Variants in ZNF169 observed in about 807,000 individuals in gnomAD.
ZNF169 encodes zinc finger protein 169.
ZNF169 carries 11 observed loss-of-function variants against 12.0 expected under a neutral mutation model. That is an observed-to-expected ratio of 0.92 (90% CI 0.58 to 1.52). The LOEUF is 1.52. ZNF169 is among the 40% of genes most tolerant of loss of function. The pLI is 0.00. For synonymous variants in ZNF169, 302 were observed against 286.5 expected (o/e 1.05, Z -0.55); for missense variants, 722 against 744.0 (o/e 0.97, Z 0.34).
Position 94,292,460 on chromosome 9 carries a change from C to T in ZNF169, c.153C>T (p.Val51=), listed in dbSNP as rs955695785. 4.3e-6 allele frequency: 7 copies of T among 1,613,826 alleles called. No homozygotes were observed. Among genetic ancestry groups the T allele is most frequent in the Non-Finnish European group, 5.9e-6 (7 of 1,179,836 alleles). The change falls in exon 3 of 5, where the codon GTC becomes GTT. Residue 51 remains valine, a synonymous_variant. Transcript: ENST00000395395. ...TGCTGGAGAACTACAGCCATCTGGT[C>T]TCCCTGGGTAAGGCTGGCCTGTTTA... The part of the protein sequence containing the change: ...EVMLENYSHL[V]SLGIAFSKPK...
chr9:94,298,280 G>A (rs1312506571), intron 4 of ZNF169, among the ~76,000 whole-genome samples: 1 of 152,072 alleles, frequency 6.6e-6, no homozygotes, highest in Non-Finnish European at 1.5e-5. Context: ...ATAAGAAAAT[G>A]CCTTATTTTT....
At chr9:94,264,260 C>T (rs1019384829) in intron 1 of ZNF169, among the ~76,000 whole-genome samples, 4 of 152,122 alleles carry the variant, frequency 2.6e-5, no homozygotes, top group Admixed American at 6.6e-5. Context: ...TCTCAGCTTC[C>T]GAGTCACTGG....
rs1483657209 is a variant in ZNF169 at position 94,301,333 on chromosome 9, A to G, written c.1775A>G (p.Lys592Arg). 1.2e-6 allele frequency: 2 copies of G among 1,614,060 alleles called. No individual in the cohort carries two copies. Among genetic ancestry groups the G allele is most frequent in the Middle Eastern group, 3.3e-4 (2 of 6,062 alleles). ...KSHLHRHRRT[K>R]SGHQLLPQEV... ...CACTTGCATAGACACAGGAGGACCAAGTCTGGTCATCAGCTCCTACCCCAA... is the reference window on the plus strand; with the variant it reads ...CACTTGCATAGACACAGGAGGACCAGGTCTGGTCATCAGCTCCTACCCCAA... The change falls in exon 5 of 5, where the codon AAG becomes AGG. Residue 592 changes from lysine to arginine, a missense_variant. Physicochemically the swap from Lys to Arg is conservative, Grantham distance 26. Coordinates refer to ENST00000395395, the MANE Select transcript of ZNF169 (RefSeq NM_194320.4).
intron 1 of ZNF169, among the ~76,000 whole-genome samples, chr9:94,277,161 G>C (rs1259147853): frequency 1.3e-5 from 2 of 152,162 alleles, no homozygotes; most frequent in East Asian, 3.8e-4. Context: ...AACATTTTCT[G>C]GTTGACGGTT....
At chr9:94,292,640 T>TGTGCGC (rs35889937) in intron 3 of ZNF169, 173 bp downstream of exon 3, 67 of 741,324 alleles carry the variant, frequency 9.0e-5, no homozygotes, top group Admixed American at 6.3e-4. Flanking sequence ...TGTGTGTGTG[T>TGTGCGC]GCGCGTGCAC....
rs955029190 is a variant in ZNF169, at chr9:94,300,123, G to T, written c.565G>T (p.Ala189Ser). Residue 189 changes from alanine to serine, a missense_variant, in exon 5 of 5, where the codon GCC (alanine) becomes TCC (serine). Coordinates refer to ENST00000395395, the MANE Select transcript of ZNF169 (RefSeq NM_194320.4). ...AGAAGGAGGAACAGACCTTCGCCTG[G>T]CCCAAAGGATGAGTCTTGGGGGGTC... ...NREGGTDLRL[A>S]QRMSLGGSDT... 3.1e-6 allele frequency: 5 copies of T among 1,614,142 alleles called. No individual in the cohort carries two copies. The highest frequency in any genetic ancestry group is 4.2e-6 in the Non-Finnish European group (5 of 1,180,036).
rs1830499530 is a variant in ZNF169 at position 94,275,255 on chromosome 9, G to T, written c.-55-3503G>T. 2.6e-5 allele frequency among the ~76,000 whole-genome samples: 4 copies of T among 152,130 alleles called. No homozygotes were observed. The South Asian group carries it at 8.3e-4, about 31-fold the overall frequency. On this transcript the variant is annotated intron_variant, in intron 1 of 4. Transcript: ENST00000395395. ...TGTCTCTCAAAAAGTAAATAAAAAA[G>T]AAGTATGGTTTTTACTGAATGTGTA...
chr9:94,292,608 TGTGTGTGTGTG>T (rs1587686793), intron 3 of ZNF169, 141 bp downstream of exon 3: 8 of 240,760 alleles, frequency 3.3e-5, no homozygotes, highest in East Asian at 1.2e-4. Context: ...ACAGTGCAGT[TGTGTGTGTGTG>T]TGTGTGTGTG....
chr9:94,292,641 G>GCA lies in ZNF169; in HGVS notation c.160+175_160+176insAC, dbSNP rs1554715596. On this transcript the variant is annotated intron_variant, in intron 3 of 4. Coordinates refer to ENST00000395395, the MANE Select transcript of ZNF169 (RefSeq NM_194320.4). ...TGTGTGTGTGTGTGTGTGTGTGTGT[G>GCA]CGCGTGCACATGCTGTGAGCGTGTG... is the stretch of plus-strand genomic sequence containing the variant. 1.5e-4 allele frequency: 110 copies of GCA among 721,194 alleles called. 1 individual carries two copies. Among genetic ancestry groups the GCA allele is most frequent in the South Asian group, 1.1e-3 (54 of 49,204 alleles). The allele number at this position is 721,194 out of a possible 1,614,324, so 44.7% of individuals were successfully genotyped here. A position where few individuals can be genotyped will look rare whatever the true frequency, so the allele number is the denominator to read the frequency against.
chr9:94,264,845 A>G (rs1830262418), intron 1 of ZNF169, among the ~76,000 whole-genome samples: 1 of 151,792 alleles, frequency 6.6e-6, no homozygotes, highest in South Asian at 2.1e-4. Context: ...GTTTATTCCT[A>G]TTCCTTTTTA....
At chr9:94,299,759 G>T (rs1831016711) in intron 4 of ZNF169, 56 bp from the exon 5 acceptor site, 2 of 1,546,662 alleles carry the variant, frequency 1.3e-6, no homozygotes, top group Admixed American at 2.0e-5. Context: ...TGCTGGGCAG[G>T]TATTACAATC....
In ZNF169 at chr9:94,300,424, C is replaced by T. The variant is rs1831040322; in HGVS notation, c.866C>T (p.Pro289Leu). 2.5e-6 allele frequency: 4 copies of T among 1,613,658 alleles called. No homozygotes were observed. The highest frequency in any genetic ancestry group is 1.6e-4 in the Middle Eastern group (1 of 6,082). The change falls in exon 5 of 5, where the codon CCG becomes CTG. Residue 289 changes from proline (P) to leucine (L), a missense_variant. By Grantham distance (98) the Pro-to-Leu change is moderately conservative. Coordinates refer to ENST00000395395, the MANE Select transcript of ZNF169 (RefSeq NM_194320.4). ...CAGAGGAAGCACTCGGGGGAGAAGC[C>T]GTATGTGTGCAGGGAATGTGGGCGA... ...IHQRKHSGEK[P>L]YVCRECGRHF...
At chr9:94,292,295 G>A (rs373059783) in intron 2 of ZNF169, 46 bp from the exon 3 acceptor site, 1 of 1,613,408 alleles carries the variant, frequency 6.2e-7, no homozygotes, top group Non-Finnish European at 8.5e-7. Context: ...GTTGGTTAGT[G>A]GGCATGGCTG....
chr9:94,265,027 T>C (rs1434465145), intron 1 of ZNF169, among the ~76,000 whole-genome samples: 2 of 148,116 alleles, frequency 1.4e-5, no homozygotes, highest in African/African-American at 4.9e-5. Flanking sequence ...CCCTGTTTTT[T>C]TTTTTTTTTT....
chr9:94,278,361 T>C (rs1039440578), intron 1 of ZNF169, among the ~76,000 whole-genome samples: 2 of 152,224 alleles, frequency 1.3e-5, no homozygotes, highest in Non-Finnish European at 2.9e-5. Context: ...AACTTCTGCT[T>C]TGGACTTCCT....
intron 2 of ZNF169, among the ~76,000 whole-genome samples, chr9:94,281,194 T>C (rs542048344): frequency 2.0e-4 from 31 of 152,254 alleles, no homozygotes; most frequent in African/African-American, 7.2e-4. Context: ...GAAAGAGGTT[T>C]GTTTGTTATG....
chr9:94,278,178 C>T (rs1230687645), intron 1 of ZNF169, among the ~76,000 whole-genome samples: 3 of 152,156 alleles, frequency 2.0e-5, no homozygotes, highest in African/African-American at 7.2e-5. Context: ...GAAATTGACT[C>T]GTTATAAAAC....
Position 94,270,559 on chromosome 9 carries a change from T to C in ZNF169, c.-55-8199T>C, listed in dbSNP as rs74472518. ...GCTAATTTGTTAGGAGTTTTTATCA[T>C]GAATAGCCATTGAATTTTTTCATAT... On this transcript the variant is annotated intron_variant, in intron 1 of 4. Coordinates refer to ENST00000395395, the MANE Select transcript of ZNF169 (RefSeq NM_194320.4). 1.3e-3 allele frequency among the ~76,000 whole-genome samples: 190 copies of C among 141,562 alleles called. 4 individuals carry two copies. The East Asian group carries it at 0.031, about 23-fold the overall frequency. 92.9% of individuals were successfully genotyped at this position (141,562 alleles called of 152,430 possible).
intron 1 of ZNF169, among the ~76,000 whole-genome samples, chr9:94,270,639 A>G (rs1006360421): frequency 2.4e-5 from 3 of 124,308 alleles, no homozygotes; most frequent in African/African-American, 8.9e-5. Context: ...TTATATAAAT[A>G]TAAAAATAAA....
Sources: allele counts gnomAD v4.1 joint callset (sites outside exome capture counted in the v4.1 genomes callset), GRCh38; gene constraint gnomAD v4.1.1; transcripts MANE v1.5; gene names NCBI Gene and HGNC (gene_info 2026-07-23, HGNC 2026-07-21).